Variants in CDC42BPA observed in about 807,000 individuals in gnomAD.
CDC42BPA encodes the protein CDC42 binding protein kinase alpha.
A neutral mutation model predicts 223.5 loss-of-function variants in CDC42BPA; 80 were observed. The ratio of observed to expected loss-of-function variants is 0.36; its 90% CI spans 0.30 to 0.43. The LOEUF (loss-of-function observed/expected upper bound fraction) is 0.43. Among genes scored for constraint, CDC42BPA ranks in the 20% least tolerant of loss-of-function variants. The pLI, the probability that CDC42BPA is intolerant of heterozygous loss-of-function variation, is 1.00. For missense variants in CDC42BPA, 1,743 were observed against 2,099.9 expected, an observed-to-expected ratio of 0.83 and a Z score of 3.32; for synonymous variants, 694 against 718.6, an observed-to-expected ratio of 0.97 and a Z score of 0.55.
chr1:227,164,824 G>A (rs898393140), intron 5 of CDC42BPA, among the ~76,000 whole-genome samples: 2 of 152,104 alleles, frequency 1.3e-5, no homozygotes, highest in Non-Finnish European at 2.9e-5. Context: ...AATGCAAAGG[G>A]CTCAACATTA....
chr1:227,273,077 A>C (rs1000775464), intron 1 of CDC42BPA, among the ~76,000 whole-genome samples: 2 of 151,986 alleles, frequency 1.3e-5, no homozygotes, highest in African/African-American at 4.8e-5. Flanking sequence ...TGGATCACCT[A>C]AGGTGAGATC....
chr1:227,056,369 C>T (rs1027196188), intron 21 of CDC42BPA, among the ~76,000 whole-genome samples: 1 of 150,338 alleles, frequency 6.7e-6, no homozygotes, highest in African/African-American at 2.5e-5. Context: ...GTTAAAAAGT[C>T]CCAGTTTCTT....
chr1:227,059,243 C>A (rs1675265526), intron 21 of CDC42BPA: 3 of 733,318 alleles, frequency 4.1e-6, no homozygotes, highest in Non-Finnish European at 6.8e-6. Flanking sequence ...GCAGGAGCAG[C>A]AGCACAAAGC....
chr1:227,147,289 C>A, intron 7 of CDC42BPA, 70 bp downstream of exon 7: 1 of 1,086,352 alleles, frequency 9.2e-7, no homozygotes, highest in Non-Finnish European at 1.3e-6. Context: ...AAAATATTTT[C>A]TCTTTAAAAA....
Position 227,294,750 on chromosome 1 carries a change from C to T in CDC42BPA, c.178+22255G>A, listed in dbSNP as rs1489229231. Among the ~76,000 whole-genome samples the T allele has an allele frequency of 3.6e-5, 4 of 111,920 alleles. 1 individual carries two copies. The highest frequency in any genetic ancestry group is 1.4e-4 in the African/African-American group (4 of 28,296). The allele number at this position is 111,920 out of a possible 152,430, so 73.4% of individuals were successfully genotyped here. On this transcript the variant is annotated intron_variant, in intron 1 of 36. Coordinates refer to ENST00000366766, the MANE Select transcript of CDC42BPA (RefSeq NM_001394014.1). ...TAGCGGGCGCCTGTAGTCCCAGCTACTCGGGAGGCTGAGGCAGGAGAATGG... is the reference window on the plus strand; with the variant it reads ...TAGCGGGCGCCTGTAGTCCCAGCTATTCGGGAGGCTGAGGCAGGAGAATGG...
rs369315165 is a variant in CDC42BPA, at chr1:227,026,181, C to T, written c.4433-29G>A. ...GGAGAAGGGAAGGGGGGGCAGCTTG[C>T]GGATTACTTTTAACTATTAAACCCC... On this transcript the variant is annotated intron_variant, in intron 30 of 36. Transcript: ENST00000366766. 96 of 1,269,390 alleles carry T rather than the reference C, an allele frequency of 7.6e-5. 1 individual carries two copies. The highest frequency in any genetic ancestry group is 9.1e-5 in the Non-Finnish European group (80 of 881,720). The allele number at this position is 1,269,390 out of a possible 1,614,324, so 78.6% of individuals were successfully genotyped here.
At chr1:227,207,471 C>T (rs1057340312) in intron 3 of CDC42BPA, among the ~76,000 whole-genome samples, 1 of 145,908 alleles carries the variant, frequency 6.9e-6, no homozygotes, top group Non-Finnish European at 1.5e-5. Context: ...CCCACTAAAT[C>T]GTCATCTAGC....
intron 32 of CDC42BPA, 64 bp downstream of exon 32, chr1:227,023,199 G>C (rs755546176): frequency 1.3e-6 from 1 of 777,762 alleles, no homozygotes. Context: ...TGTGACCTTG[G>C]GCAGTTAGCT....
chr1:227,079,180 T>C (rs897837918), intron 17 of CDC42BPA, among the ~76,000 whole-genome samples: 1 of 152,176 alleles, frequency 6.6e-6, no homozygotes, highest in Non-Finnish European at 1.5e-5. Context: ...TATTACTCCA[T>C]TTCTAAATAA....
At chr1:227,187,839 T>C (rs2150102505) in intron 5 of CDC42BPA, among the ~76,000 whole-genome samples, 1 of 151,472 alleles carries the variant, frequency 6.6e-6, no homozygotes, top group Non-Finnish European at 1.5e-5. Context: ...TTAAAAATCA[T>C]GCAAGTAAGA....
intron 2 of CDC42BPA, among the ~76,000 whole-genome samples, chr1:227,219,875 A>G (rs1175309674): frequency 6.6e-6 from 1 of 152,202 alleles, no homozygotes; most frequent in African/African-American, 2.4e-5. Flanking sequence ...TACAAAATCA[A>G]TTCTGTCTTG....
chr1:227,063,889 A>G (rs1218181007), intron 21 of CDC42BPA, among the ~76,000 whole-genome samples: 1 of 152,206 alleles, frequency 6.6e-6, no homozygotes, highest in Non-Finnish European at 1.5e-5. Flanking sequence ...ATGTAAAAGA[A>G]GCTGGGAGAT....
chr1:227,056,865 T>C (rs530934149), intron 21 of CDC42BPA, among the ~76,000 whole-genome samples: 2 of 152,372 alleles, frequency 1.3e-5, no homozygotes, highest in African/African-American at 4.8e-5. Flanking sequence ...AGAAGTACTA[T>C]ATCATTTGGA....
intron 10 of CDC42BPA, among the ~76,000 whole-genome samples, chr1:227,129,636 C>T (rs1404436991): frequency 8.6e-6 from 1 of 115,904 alleles, no homozygotes; most frequent in Non-Finnish European, 1.7e-5. Flanking sequence ...CACTGTACTC[C>T]ATCCTGGGAG....
chr1:227,198,453 G>GAAAAAAAAAAAAAAAAAAAAAAAA (rs10659956), intron 4 of CDC42BPA, among the ~76,000 whole-genome samples: 1 of 98,852 alleles, frequency 1.0e-5, no homozygotes, highest in African/African-American at 3.7e-5. Flanking sequence ...AAAAAAAAAA[G>GAAAAAAAAAAAAAAAAAAAAAAAA]AAAAGAAAGA....
At chr1:227,210,164 T>C (rs1387189642) in intron 3 of CDC42BPA, among the ~76,000 whole-genome samples, 3 of 152,224 alleles carry the variant, frequency 2.0e-5, no homozygotes, top group Non-Finnish European at 4.4e-5. Flanking sequence ...CTATTGTGAA[T>C]AGTGCCGCAA....
At chr1:227,151,860 G>C (rs6664251) in intron 6 of CDC42BPA, among the ~76,000 whole-genome samples, 100,196 of 139,306 alleles carry the variant, frequency 0.72, 36,077 homozygotes, top group South Asian at 0.86. Context: ...ACCTGGCCAA[G>C]AGGTCATAAC....
At chr1:227,073,345 T>C (rs984559129) in intron 19 of CDC42BPA, among the ~76,000 whole-genome samples, 3 of 152,152 alleles carry the variant, frequency 2.0e-5, no homozygotes, top group Non-Finnish European at 4.4e-5. Flanking sequence ...ATTAGCTAAC[T>C]GCTTCAGAGA....
chr1:227,157,118 T>C (rs1234744422), intron 6 of CDC42BPA, among the ~76,000 whole-genome samples: 2 of 152,216 alleles, frequency 1.3e-5, no homozygotes, highest in Non-Finnish European at 2.9e-5. Context: ...TAATTACATA[T>C]TACATTATTT....
Sources: allele counts gnomAD v4.1 joint callset (sites outside exome capture counted in the v4.1 genomes callset), GRCh38; gene constraint gnomAD v4.1.1; transcripts MANE v1.5; gene names NCBI Gene and HGNC (gene_info 2026-07-23, HGNC 2026-07-21).